Variants in KCTD1 observed in about 807,000 individuals in gnomAD.
The protein encoded by KCTD1 is potassium channel tetramerization domain containing 1, also known as BTB/POZ domain-containing protein KCTD1.
A neutral mutation model predicts 66.0 loss-of-function variants in KCTD1; 24 were observed. The ratio of observed to expected loss-of-function variants is 0.36; its 90% CI spans 0.26 to 0.51. The LOEUF is 0.51. Among genes scored for constraint, KCTD1 ranks in the 20% least tolerant of loss-of-function variants. The pLI is 0.95. For missense variants in KCTD1, 943 were observed against 1,205.2 expected (o/e 0.78, Z 3.22); for synonymous variants, 511 against 517.2 (o/e 0.99, Z 0.16).
chr18:26,522,559 A>G (rs980878436), intron 1 of KCTD1, among the ~76,000 whole-genome samples: 43 of 152,144 alleles, frequency 2.8e-4, no homozygotes, highest in African/African-American at 1.0e-3. Context: ...AAATAATATA[A>G]TCTGGTACAC....
intron 1 of KCTD1, among the ~76,000 whole-genome samples, chr18:26,635,016 C>T (rs908345549): frequency 6.6e-6 from 1 of 152,188 alleles, no homozygotes. Flanking sequence ...TAAAAATCCA[C>T]ATTGAACAAA....
At chr18:26,562,205 C>A (rs1374568248) in intron 1 of KCTD1, among the ~76,000 whole-genome samples, 1 of 152,106 alleles carries the variant, frequency 6.6e-6, no homozygotes, top group Admixed American at 6.5e-5. Flanking sequence ...GGCTCCACTT[C>A]CACTGAAGCA....
chr18:26,581,854 T>G (rs1046398080), intron 1 of KCTD1: 2 of 152,084 alleles, frequency 1.3e-5, no homozygotes, highest in African/African-American at 4.8e-5. Flanking sequence ...AAATATATAT[T>G]TTTTACATGG....
chr18:26,636,532 C>T (rs923350530), intron 1 of KCTD1, among the ~76,000 whole-genome samples: 2 of 152,210 alleles, frequency 1.3e-5, no homozygotes, highest in African/African-American at 4.8e-5. Context: ...TCCCATTTCT[C>T]CCATTGAGAG....
At chr18:26,580,383 A>G (rs543943404) in intron 1 of KCTD1, among the ~76,000 whole-genome samples, 2 of 152,254 alleles carry the variant, frequency 1.3e-5, no homozygotes, top group East Asian at 3.9e-4. Flanking sequence ...ATAGGAGCTC[A>G]GTGTGGTTCC....
chr18:26,461,882 G>C (rs1192576129), intron 3 of KCTD1, among the ~76,000 whole-genome samples: 1 of 152,180 alleles, frequency 6.6e-6, no homozygotes, highest in African/African-American at 2.4e-5. Flanking sequence ...TTGGGAGGCC[G>C]AGGCAGGTGG....
intron 1 of KCTD1, among the ~76,000 whole-genome samples, chr18:26,583,393 CAAAAAAAAAAAAAAAAAA>C: frequency 1.2e-5 from 1 of 83,820 alleles, no homozygotes; most frequent in African/African-American, 4.7e-5. Flanking sequence ...GACTTTGTCT[CAAAAAAAAAAAAAAAAAA>C]AAAAAAGAAA....
At chr18:26,567,485 G>GT (rs1455257922) in intron 1 of KCTD1, among the ~76,000 whole-genome samples, 1,259 of 117,920 alleles carry the variant, frequency 0.011, 15 homozygotes, top group South Asian at 0.021. Context: ...TTCTGTTGTT[G>GT]TTGTTTTTTT....
At chr18:26,455,928 G>A (rs778957406) in intron 4 of KCTD1, 27 bp from the exon 5 acceptor site, 1 of 1,607,454 alleles carries the variant, frequency 6.2e-7, no homozygotes, top group Non-Finnish European at 8.5e-7. Context: ...CAAGCATCCA[G>A]TTAGGGGTGA....
rs117555448 is a variant in KCTD1 at position 26,514,548 on chromosome 18, T to A, written c.1810-13298A>T. ...CCAGGCAACAGAGTGAGACCTTGTCTCAAAAAAAAAAAAAAAAAAAAAAGA... is the reference window on the plus strand; with the variant it reads ...CCAGGCAACAGAGTGAGACCTTGTCACAAAAAAAAAAAAAAAAAAAAAAGA... On this transcript the variant is annotated intron_variant, in intron 1 of 4. Transcript: ENST00000580059. Among the ~76,000 whole-genome samples, 67 of 31,488 alleles carry A rather than the reference T, an allele frequency of 2.1e-3. 1 individual carries two copies. Among genetic ancestry groups the A allele is most frequent in the Non-Finnish European group, 2.4e-3 (39 of 16,548 alleles). 20.7% of individuals were successfully genotyped at this position (31,488 alleles called of 152,430 possible). A position where few individuals can be genotyped will look rare whatever the true frequency, so the allele number is the denominator to read the frequency against.
intron 1 of KCTD1, among the ~76,000 whole-genome samples, chr18:26,526,872 T>G (rs1390950552): frequency 6.6e-6 from 1 of 151,342 alleles, no homozygotes; most frequent in Non-Finnish European, 1.5e-5. Flanking sequence ...TTTTGGGTTT[T>G]TTTTTTTTTT....
chr18:26,551,834 G>A (rs1291924940), upstream of KCTD1, among the ~76,000 whole-genome samples: 1 of 152,270 alleles, frequency 6.6e-6, no homozygotes, highest in East Asian at 1.9e-4. Flanking sequence ...GGCAATATTG[G>A]TTGTCGTTCT....
chr18:26,621,926 C>G (rs2145018366), intron 1 of KCTD1, among the ~76,000 whole-genome samples: 1 of 152,268 alleles, frequency 6.6e-6, no homozygotes, highest in Non-Finnish European at 1.5e-5. Context: ...GGATTTCTGA[C>G]AATTCACCCC....
intron 1 of KCTD1, among the ~76,000 whole-genome samples, chr18:26,635,483 C>T (rs914868080): frequency 5.9e-5 from 9 of 152,210 alleles, no homozygotes; most frequent in South Asian, 2.1e-4. Context: ...GCTGGAAAAT[C>T]GCCTGGAACC....
At position 26,547,988 on chromosome 18, in the gene KCTD1, G is replaced by C. The variant is rs1367619264; in HGVS notation, c.549C>G (p.Phe183Leu). The C allele has an allele frequency of 4.6e-6, 7 of 1,537,762 alleles. No individual in the cohort carries two copies. The highest frequency in any genetic ancestry group is 6.1e-6 in the Non-Finnish European group (7 of 1,144,758). Residue 183 changes from phenylalanine to leucine, a missense_variant, in exon 1 of 5, where the codon TTC becomes TTG. Transcript: ENST00000580059. ...RLATRYAVRI[F>L]REYLSEKAQS... ...GCGCCTTCTCGCTCAGGTACTCCCG[G>C]AAGATGCGCACGGCGTAGCGGGTGG...
At chr18:26,489,639 G>C (rs1184569818) in intron 2 of KCTD1, among the ~76,000 whole-genome samples, 1 of 152,122 alleles carries the variant, frequency 6.6e-6, no homozygotes, top group Admixed American at 6.5e-5. Context: ...TGGGGGTAAA[G>C]GTTATTTTCC....
chr18:26,544,046 T>C (rs568400370), intron 1 of KCTD1: 1 of 152,228 alleles, frequency 6.6e-6, no homozygotes, highest in African/African-American at 2.4e-5. Context: ...CAGTTTAAAA[T>C]GGACTACATG....
At chr18:26,639,612 A>G (rs1987793252) in intron 1 of KCTD1, among the ~76,000 whole-genome samples, 1 of 152,138 alleles carries the variant, frequency 6.6e-6, no homozygotes, top group African/African-American at 2.4e-5. Flanking sequence ...CAATAACATT[A>G]TTGTATTCTT....
upstream of KCTD1, chr18:26,549,518 A>G (rs1985458219): frequency 6.5e-6 from 6 of 921,344 alleles, no homozygotes; most frequent in Admixed American, 1.2e-4. Flanking sequence ...TTGGGACCCC[A>G]GGGGCCACAG....
Sources: allele counts gnomAD v4.1 joint callset (sites outside exome capture counted in the v4.1 genomes callset), GRCh38; gene constraint gnomAD v4.1.1; transcripts MANE v1.5; gene names NCBI Gene and HGNC (gene_info 2026-07-23, HGNC 2026-07-21).